The following FER variants were observed in gnomAD, a reference collection of about 807,000 sequenced individuals.
The protein encoded by FER is tyrosine-protein kinase Fer.
Under a neutral mutation model 111.0 loss-of-function variants are expected in FER, and 63 were observed. The ratio of observed to expected loss-of-function variants is 0.57; its 90% CI spans 0.46 to 0.70. The LOEUF (loss-of-function observed/expected upper bound fraction) is 0.70. FER is among the 30% of genes least tolerant of loss of function. The pLI is 0.00. For missense variants in FER, 914 were observed against 954.0 expected (o/e 0.96, Z 0.55); for synonymous variants, 327 against 313.9 (o/e 1.04, Z -0.44).
intron 16 of FER, among the ~76,000 whole-genome samples, chr5:109,090,884 A>T (rs1385367614): frequency 6.6e-6 from 1 of 152,178 alleles, no homozygotes; most frequent in East Asian, 1.9e-4. Flanking sequence ...ACATTAGGGG[A>T]TTTTCAAAGG....
At chr5:108,993,839 G>C (rs2149757769) in intron 13 of FER, among the ~76,000 whole-genome samples, 1 of 152,192 alleles carries the variant, frequency 6.6e-6, no homozygotes, top group East Asian at 1.9e-4. Context: ...GTGTGAGATG[G>C]TATCTTTGTG....
At chr5:108,971,609 C>T (rs4957793) in intron 13 of FER, among the ~76,000 whole-genome samples, 71,684 of 151,920 alleles carry the variant, frequency 0.47, 17,493 homozygotes, top group African/African-American at 0.52. Flanking sequence ...AGAAACAGAT[C>T]TCATAGGTTG....
chr5:108,908,866 C>T (rs1751159332), intron 10 of FER, among the ~76,000 whole-genome samples: 2 of 152,142 alleles, frequency 1.3e-5, no homozygotes, highest in Admixed American at 1.3e-4. Flanking sequence ...TGGAGAAACC[C>T]TGTATCTACA....
intron 8 of FER, among the ~76,000 whole-genome samples, chr5:108,880,707 T>C (rs1250206810): frequency 6.6e-6 from 1 of 152,028 alleles, no homozygotes; most frequent in African/African-American, 2.4e-5. Flanking sequence ...TTTACTGGAT[T>C]TGATACAAAT....
intron 16 of FER, among the ~76,000 whole-genome samples, chr5:109,087,672 G>A (rs183608129): frequency 2.0e-5 from 3 of 150,742 alleles, no homozygotes; most frequent in Non-Finnish European, 4.4e-5. Flanking sequence ...CCAATCCTCG[G>A]TGCACTTTTT....
intron 10 of FER, among the ~76,000 whole-genome samples, chr5:108,936,094 A>G (rs1294400504): frequency 2.6e-5 from 4 of 152,138 alleles, no homozygotes; most frequent in African/African-American, 7.2e-5. Flanking sequence ...GCTTGACCAC[A>G]TGACGTTCAG....
intron 2 of FER, among the ~76,000 whole-genome samples, chr5:108,797,190 C>T (rs993622934): frequency 8.5e-5 from 13 of 152,080 alleles, no homozygotes; most frequent in South Asian, 6.2e-4. Flanking sequence ...CTATAATAGG[C>T]GCCTAATGAC....
intron 1 of FER, among the ~76,000 whole-genome samples, chr5:108,749,656 C>T (rs1357667982): frequency 6.6e-6 from 1 of 152,164 alleles, no homozygotes; most frequent in Non-Finnish European, 1.5e-5. Flanking sequence ...CCGGTCTTGG[C>T]CAGAGGTGTC....
intron 10 of FER, among the ~76,000 whole-genome samples, chr5:108,943,581 G>A (rs941498266): frequency 3.3e-5 from 5 of 152,166 alleles, no homozygotes; most frequent in African/African-American, 4.8e-5. Flanking sequence ...GCTTTAGTGC[G>A]CAGGGAATGG....
intron 5 of FER, among the ~76,000 whole-genome samples, chr5:108,845,042 A>ATG (rs1761852825): frequency 7.7e-4 from 23 of 29,688 alleles, no homozygotes; most frequent in African/African-American, 3.6e-3. Flanking sequence ...ATATATATAC[A>ATG]TATATATATA....
At chr5:109,100,157 C>T (rs1418051914) in intron 16 of FER, among the ~76,000 whole-genome samples, 1 of 151,582 alleles carries the variant, frequency 6.6e-6, no homozygotes, top group Non-Finnish European at 1.5e-5. Context: ...GGATAATGTA[C>T]AATATGAAAC....
intron 13 of FER, among the ~76,000 whole-genome samples, chr5:109,031,920 A>T (rs1328618784): frequency 6.6e-6 from 1 of 152,176 alleles, no homozygotes; most frequent in Non-Finnish European, 1.5e-5. Context: ...TCTTTAACTC[A>T]TCTGTTTGGA....
intron 15 of FER, among the ~76,000 whole-genome samples, chr5:109,046,122 CAA>C (rs1771935949): frequency 6.6e-6 from 1 of 152,090 alleles, no homozygotes. Flanking sequence ...TTTATCCAAA[CAA>C]AGTCTACTCT....
At chr5:108,958,122 T>G (rs1758669100) in intron 12 of FER, among the ~76,000 whole-genome samples, 1 of 147,406 alleles carries the variant, frequency 6.8e-6, no homozygotes, top group African/African-American at 2.6e-5. Context: ...TGTTCATTAC[T>G]CAATGAAACA....
At chr5:108,912,860 T>C (rs1278441063) in intron 10 of FER, among the ~76,000 whole-genome samples, 2 of 152,218 alleles carry the variant, frequency 1.3e-5, no homozygotes, top group Non-Finnish European at 2.9e-5. Context: ...AAGTGTGGTC[T>C]GAAATCTTAC....
intron 13 of FER, among the ~76,000 whole-genome samples, chr5:108,976,950 G>T (rs978584287): frequency 6.6e-6 from 1 of 152,152 alleles, no homozygotes; most frequent in African/African-American, 2.4e-5. Context: ...GTCCCATGGT[G>T]TTATTCAAGG....
At chr5:108,751,533 T>C (rs1233960023) in intron 1 of FER, among the ~76,000 whole-genome samples, 1 of 152,222 alleles carries the variant, frequency 6.6e-6, no homozygotes, top group Non-Finnish European at 1.5e-5. Flanking sequence ...TATAGTTTTG[T>C]ACTTGATTTA....
intron 10 of FER, among the ~76,000 whole-genome samples, chr5:108,910,732 G>T (rs558533669): frequency 6.6e-6 from 1 of 151,474 alleles, no homozygotes; most frequent in African/African-American, 2.4e-5. Flanking sequence ...AGAACATACG[G>T]TATTTGATTT....
intron 1 of FER, among the ~76,000 whole-genome samples, chr5:108,750,974 C>T (rs572138806): frequency 6.6e-6 from 1 of 152,286 alleles, no homozygotes; most frequent in African/African-American, 2.4e-5. Flanking sequence ...GGGCGGATCA[C>T]CTGAGGTCGG....
Sources: allele counts gnomAD v4.1 joint callset (sites outside exome capture counted in the v4.1 genomes callset), GRCh38; gene constraint gnomAD v4.1.1; transcripts MANE v1.5; gene names NCBI Gene and HGNC (gene_info 2026-07-23, HGNC 2026-07-21).